NRG1: variants seen among roughly 807,000 people sequenced by gnomAD.
NRG1 encodes pro-neuregulin-1, membrane-bound isoform.
In NRG1, 18 loss-of-function variants were observed where a neutral mutation model predicts 63.8. That is an observed-to-expected ratio of 0.28 (90% CI 0.19 to 0.42). NRG1 has a LOEUF of 0.42. Ranked by LOEUF, NRG1 falls within the 10% of genes least tolerant of loss-of-function variation. The pLI is 1.00. For missense variants in NRG1, 762 were observed against 814.7 expected (o/e 0.94, Z 0.79); for synonymous variants, 302 against 301.3 (o/e 1.00, Z -0.02).
intron 1 of NRG1, among the ~76,000 whole-genome samples, chr8:32,500,072 C>A (rs36008807): frequency 0.053 from 8,021 of 152,264 alleles, 284 homozygotes; most frequent in Middle Eastern, 0.085. Flanking sequence ...CCAATGTGAT[C>A]AAAAACAATC....
chr8:32,445,318 C>G (rs1453840620), intron 1 of NRG1, among the ~76,000 whole-genome samples: 2 of 151,724 alleles, frequency 1.3e-5, no homozygotes, highest in African/African-American at 4.8e-5. Flanking sequence ...TTCCGAATAC[C>G]TTTTTATCCA....
intron 1 of NRG1, among the ~76,000 whole-genome samples, chr8:31,659,222 C>A (rs1805725786): frequency 6.6e-6 from 1 of 152,088 alleles, no homozygotes; most frequent in South Asian, 2.1e-4. Flanking sequence ...GAACACCATG[C>A]ATTTGTGGTG....
chr8:32,092,079 T>C (rs1195151712), intron 1 of NRG1, among the ~76,000 whole-genome samples: 2 of 152,042 alleles, frequency 1.3e-5, no homozygotes, highest in African/African-American at 4.8e-5. Context: ...AAAAATACAG[T>C]AACATTTAAA....
intron 1 of NRG1, among the ~76,000 whole-genome samples, chr8:31,896,360 A>G (rs768085541): frequency 7.2e-5 from 11 of 151,870 alleles, no homozygotes; most frequent in Non-Finnish European, 1.2e-4. Context: ...ATAAGTCCAA[A>G]CTCTTTAACA....
intron 1 of NRG1, among the ~76,000 whole-genome samples, chr8:32,106,996 A>T (rs1831354205): frequency 6.6e-6 from 1 of 152,142 alleles, no homozygotes; most frequent in Non-Finnish European, 1.5e-5. Flanking sequence ...AGATGGGCAG[A>T]TCATGAGGTC....
At chr8:31,698,248 T>G (rs1472434506) in intron 1 of NRG1, among the ~76,000 whole-genome samples, 1 of 152,188 alleles carries the variant, frequency 6.6e-6, no homozygotes, top group Non-Finnish European at 1.5e-5. Flanking sequence ...TTAGAGATGT[T>G]TGATTTTATC....
chr8:32,184,822 G>T (rs751536500), intron 1 of NRG1, among the ~76,000 whole-genome samples: 8 of 152,078 alleles, frequency 5.3e-5, no homozygotes, highest in Non-Finnish European at 1.0e-4. Context: ...TTTCAGAATG[G>T]CAGTGAGACT....
chr8:32,511,735 A>T (rs779911270), intron 1 of NRG1, among the ~76,000 whole-genome samples: 7 of 152,270 alleles, frequency 4.6e-5, no homozygotes, highest in Admixed American at 1.3e-4. Flanking sequence ...AAACAATAAG[A>T]ACTCTTTATT....
chr8:32,114,233 G>A (rs980178157), intron 1 of NRG1, among the ~76,000 whole-genome samples: 9 of 152,180 alleles, frequency 5.9e-5, no homozygotes, highest in Non-Finnish European at 1.2e-4. Flanking sequence ...TTATTTTTCT[G>A]TGAGTCATAG....
At chr8:32,403,025 A>G in intron 1 of NRG1, among the ~76,000 whole-genome samples, 1 of 152,102 alleles carries the variant, frequency 6.6e-6, no homozygotes, top group Admixed American at 6.5e-5. Flanking sequence ...CTGGCCGGGC[A>G]CAGTGGCTCA....
chr8:32,662,659 A>G (rs2128877233), intron 5 of NRG1, among the ~76,000 whole-genome samples: 1 of 152,280 alleles, frequency 6.6e-6, no homozygotes, highest in East Asian at 1.9e-4. Context: ...GAATGTAAAG[A>G]CATTATTGGA....
chr8:32,250,601 C>T (rs1849002084), intron 1 of NRG1, among the ~76,000 whole-genome samples: 1 of 152,048 alleles, frequency 6.6e-6, no homozygotes, highest in Non-Finnish European at 1.5e-5. Flanking sequence ...TCCACGAATG[C>T]AATGCAACAC....
At chr8:32,113,852 G>A (rs1197801523) in intron 1 of NRG1, among the ~76,000 whole-genome samples, 1 of 152,192 alleles carries the variant, frequency 6.6e-6, no homozygotes, top group Non-Finnish European at 1.5e-5. Flanking sequence ...CTGTGTGTAT[G>A]TGTGATGTGT....
intron 5 of NRG1, among the ~76,000 whole-genome samples, chr8:32,708,296 T>C (rs1016087932): frequency 4.6e-5 from 7 of 152,208 alleles, no homozygotes; most frequent in Non-Finnish European, 4.4e-5. Context: ...AATCATGTTA[T>C]TGAGTTTTCT....
intron 1 of NRG1, among the ~76,000 whole-genome samples, chr8:32,426,988 C>T (rs1285140937): frequency 6.9e-6 from 1 of 145,864 alleles, no homozygotes; most frequent in Non-Finnish European, 1.5e-5. Context: ...TCCACTTGTC[C>T]TTTTTTTTTT....
At chr8:32,336,981 T>C (rs6999862) in intron 1 of NRG1, among the ~76,000 whole-genome samples, 78,889 of 151,930 alleles carry the variant, frequency 0.52, 21,366 homozygotes, top group Non-Finnish European at 0.61. Context: ...TTACATGATC[T>C]CAATGGACTT....
At chr8:31,877,867 G>T (rs2129612391) in intron 1 of NRG1, among the ~76,000 whole-genome samples, 1 of 152,284 alleles carries the variant, frequency 6.6e-6, no homozygotes, top group Non-Finnish European at 1.5e-5. Context: ...ATATTTGAAT[G>T]ACCCACTGGA....
At chr8:31,656,359 C>T (rs1003703078) in intron 1 of NRG1, among the ~76,000 whole-genome samples, 1 of 152,172 alleles carries the variant, frequency 6.6e-6, no homozygotes, top group Non-Finnish European at 1.5e-5. Context: ...ACTATTGCCA[C>T]ACATTTTAAA....
intron 5 of NRG1, among the ~76,000 whole-genome samples, chr8:32,684,678 C>A (rs372327159): frequency 6.6e-6 from 1 of 152,018 alleles, no homozygotes; most frequent in Admixed American, 6.6e-5. Flanking sequence ...GGGAACCTTT[C>A]TACTTCTCAA....
Sources: allele counts gnomAD v4.1 joint callset (sites outside exome capture counted in the v4.1 genomes callset), GRCh38; gene constraint gnomAD v4.1.1; transcripts MANE v1.5; gene names NCBI Gene and HGNC (gene_info 2026-07-23, HGNC 2026-07-21).